Variants in R3HCC1L observed in about 807,000 individuals in gnomAD.
The protein encoded by R3HCC1L is R3H domain and coiled-coil containing 1 like.
Under a neutral mutation model 59.9 loss-of-function variants are expected in R3HCC1L, and 51 were observed. That is an observed-to-expected ratio of 0.85 (90% CI 0.68 to 1.07). The LOEUF (loss-of-function observed/expected upper bound fraction) is 1.07. Ranked by LOEUF, R3HCC1L falls within the 50% of genes least tolerant of loss-of-function variation. The pLI is 0.00. For synonymous variants in R3HCC1L, 322 were observed against 315.2 expected (o/e 1.02, Z -0.23); for missense variants, 965 against 933.0 (o/e 1.03, Z -0.45).
chr10:98,221,623 T>A (rs1479476524), intron 5 of R3HCC1L, among the ~76,000 whole-genome samples: 1 of 151,634 alleles, frequency 6.6e-6, no homozygotes, highest in Non-Finnish European at 1.5e-5. Context: ...CAGCACCATT[T>A]ATTAAATAGG....
chr10:98,176,941 T>A (rs1452673937), intron 4 of R3HCC1L, among the ~76,000 whole-genome samples: 1 of 152,172 alleles, frequency 6.6e-6, no homozygotes, highest in Non-Finnish European at 1.5e-5. Context: ...ATATTTTATG[T>A]ACATCTATTG....
At chr10:98,237,667 G>A (rs1857106109) in intron 9 of R3HCC1L, among the ~76,000 whole-genome samples, 2 of 152,154 alleles carry the variant, frequency 1.3e-5, no homozygotes, top group Admixed American at 1.3e-4. Context: ...GACCCACTGT[G>A]ATAAGTTTCT....
chr10:98,208,657 A>G lies in R3HCC1L; in HGVS notation c.543A>G (p.Gln181=). 6.2e-7 allele frequency: 1 copy of G among 1,614,148 alleles called. No individual in the cohort carries two copies. Residue 181 remains glutamine (Q), a synonymous_variant, in exon 5 of 10, where the codon CAA becomes CAG. Transcript: ENST00000298999. ...CTCAAGTTCCAAGCAAACCATTCCA[A>G]AATGTGGAATTCTGTGACTTCAGTA... is the stretch of plus-strand genomic sequence containing the variant. ...SEAQVPSKPF[Q]NVEFCDFSRH...
chr10:98,235,170 C>G (rs567569209), intron 7 of R3HCC1L, among the ~76,000 whole-genome samples: 10 of 152,248 alleles, frequency 6.6e-5, no homozygotes, highest in Admixed American at 2.6e-4. Context: ...ATGGGCATGG[C>G]TCTGCTTCAG....
intron 2 of R3HCC1L, among the ~76,000 whole-genome samples, chr10:98,160,301 A>G (rs1429112603): frequency 1.3e-5 from 2 of 152,242 alleles, no homozygotes; most frequent in Admixed American, 6.5e-5. Flanking sequence ...AGCCACATGA[A>G]TAGAGATGTG....
intron 4 of R3HCC1L, among the ~76,000 whole-genome samples, chr10:98,204,126 C>T (rs1000767901): frequency 3.3e-5 from 5 of 152,150 alleles, no homozygotes; most frequent in South Asian, 2.1e-4. Flanking sequence ...AGAAAATAAT[C>T]GGCCCAGCAC....
rs78458502 is a variant in R3HCC1L at position 98,160,753 on chromosome 10, T to C, written c.-212-2130T>C. On this transcript the variant is annotated intron_variant, in intron 2 of 9. Coordinates refer to ENST00000298999, the MANE Select transcript of R3HCC1L (RefSeq NM_001351015.2). ...CAGAACTCTACAAAAATGTTTATAC[T>C]CAGGGCACTGTCACCCATTCCTTCT... Among the ~76,000 whole-genome samples the C allele has an allele frequency of 4.7e-3, 723 of 152,284 alleles. 14 individuals are homozygous for C. Among genetic ancestry groups the C allele is most frequent in the African/African-American group, 0.017 (704 of 41,548 alleles).
chr10:98,157,119 T>G (rs978645026), intron 2 of R3HCC1L, among the ~76,000 whole-genome samples: 6 of 152,220 alleles, frequency 3.9e-5, no homozygotes, highest in African/African-American at 1.4e-4. Context: ...TTGAGAAGTC[T>G]TAAGCCAATG....
chr10:98,183,331 CTTTTT>C (rs35199381), intron 4 of R3HCC1L, among the ~76,000 whole-genome samples: 2 of 138,212 alleles, frequency 1.4e-5, no homozygotes, highest in South Asian at 4.6e-4. Flanking sequence ...TGTATTGTGT[CTTTTT>C]TTTTTTTTTT....
chr10:98,216,718 G>A (rs1345910325), intron 5 of R3HCC1L, among the ~76,000 whole-genome samples: 1 of 151,990 alleles, frequency 6.6e-6, no homozygotes, highest in African/African-American at 2.4e-5. Flanking sequence ...GACCACAGGA[G>A]TATACCACCA....
chr10:98,187,234 A>G (rs902838619), intron 4 of R3HCC1L, among the ~76,000 whole-genome samples: 2 of 151,894 alleles, frequency 1.3e-5, no homozygotes, highest in Non-Finnish European at 2.9e-5. Flanking sequence ...TTTGCATTAT[A>G]TTTAACAGTT....
At chr10:98,188,616 G>T (rs891112238) in intron 4 of R3HCC1L, among the ~76,000 whole-genome samples, 4 of 152,196 alleles carry the variant, frequency 2.6e-5, no homozygotes, top group Non-Finnish European at 4.4e-5. Flanking sequence ...ATGTCTTTCA[G>T]AGTAGCTTTT....
chr10:98,188,555 C>T (rs796925874), intron 4 of R3HCC1L, among the ~76,000 whole-genome samples: 6 of 152,316 alleles, frequency 3.9e-5, no homozygotes, highest in African/African-American at 1.4e-4. Flanking sequence ...ACTTCCTTAT[C>T]AGCTTTGTTG....
intron 5 of R3HCC1L, among the ~76,000 whole-genome samples, chr10:98,216,214 T>A (rs1356851905): frequency 3.9e-5 from 6 of 152,124 alleles, no homozygotes; most frequent in African/African-American, 1.2e-4. Context: ...TAGAATCATT[T>A]AAAAAATATA....
chr10:98,172,050 G>T (rs1201292654), intron 4 of R3HCC1L, among the ~76,000 whole-genome samples: 5 of 152,182 alleles, frequency 3.3e-5, no homozygotes, highest in Non-Finnish European at 5.9e-5. Flanking sequence ...ATCTGTCCTA[G>T]TTTTAATCGC....
At chr10:98,220,185 G>C (rs1361629033) in intron 5 of R3HCC1L, among the ~76,000 whole-genome samples, 2 of 151,790 alleles carry the variant, frequency 1.3e-5, no homozygotes, top group Non-Finnish European at 2.9e-5. Flanking sequence ...TTCATTCATT[G>C]AGTTCTTCAG....
At chr10:98,181,955 A>C (rs1203045839) in intron 4 of R3HCC1L, among the ~76,000 whole-genome samples, 1 of 152,084 alleles carries the variant, frequency 6.6e-6, no homozygotes, top group Non-Finnish European at 1.5e-5. Context: ...ATGGGTTCAA[A>C]CATCCTCCTT....
At chr10:98,211,440 G>T in intron 5 of R3HCC1L, 1 of 1,380,786 alleles carries the variant, frequency 7.2e-7, no homozygotes, top group South Asian at 1.7e-5. Context: ...GTAGAGGTTT[G>T]AGATCCAAAT....
rs1856685017 is a variant in R3HCC1L at position 98,234,317 on chromosome 10, A to G, written c.1962-129A>G. 3.9e-6 allele frequency: 3 copies of G among 777,866 alleles called. No individual in the cohort carries two copies. In the South Asian group the frequency reaches 4.8e-5, roughly 13 times the overall value. The allele number at this position is 777,866 out of a possible 1,614,324, so 48.2% of individuals were successfully genotyped here. ...CCTCCAAACTGTTTTCTGTGTCATTATCCCCATTCCACCTGTGCACTCGTT... is the reference window on the plus strand; with the variant it reads ...CCTCCAAACTGTTTTCTGTGTCATTGTCCCCATTCCACCTGTGCACTCGTT... On this transcript the variant is annotated intron_variant, in intron 6 of 9. Coordinates refer to ENST00000298999, the MANE Select transcript of R3HCC1L (RefSeq NM_001351015.2).
Sources: gnomAD v4.1 joint callset for allele counts (sites outside exome capture counted in the v4.1 genomes callset) on GRCh38, gnomAD v4.1.1 for gene constraint, MANE v1.5 for transcripts, NCBI Gene and HGNC (gene_info 2026-07-23, HGNC 2026-07-21) for gene names.